The following HPS1 variants were observed in gnomAD, a reference collection of about 807,000 sequenced individuals.
The protein encoded by HPS1 is BLOC-3 complex member HPS1.
A neutral mutation model predicts 90.6 loss-of-function variants in HPS1; 59 were observed. The ratio of observed to expected loss-of-function variants is 0.65; its 90% confidence interval spans 0.53 to 0.81. The LOEUF is 0.81. Among genes scored for constraint, HPS1 ranks in the 30% least tolerant of loss-of-function variants. The pLI, the probability that HPS1 is intolerant of heterozygous loss-of-function variation, is 0.00. For missense variants in HPS1, 849 were observed against 896.7 expected (o/e 0.95, Z 0.68); for synonymous variants, 388 against 384.4 (o/e 1.01, Z -0.11).
At position 98,425,813 on chromosome 10, in the gene HPS1, C is replaced by G; in HGVS notation, c.1155+5G>C. The G allele has an allele frequency of 6.2e-7, 1 of 1,613,334 alleles. No individual in the cohort carries two copies. Among genetic ancestry groups the G allele is most frequent in the Non-Finnish European group, 8.5e-7 (1 of 1,179,634 alleles). On this transcript the variant is annotated splice_donor_5th_base_variant and intron_variant, in intron 12 of 19. Transcript: ENST00000361490. ...TCATCAGGGCAGGGTGAGGGGCTCT[C>G]CTACCCTGGTCAGGAGCACCAGGTT...
At chr10:98,426,886 G>A (rs1845678562) in intron 11 of HPS1, among the ~76,000 whole-genome samples, 1 of 151,790 alleles carries the variant, frequency 6.6e-6, no homozygotes, top group Non-Finnish European at 1.5e-5. Flanking sequence ...GTTTACTTTT[G>A]TATTTCCCGA....
In HPS1 at chr10:98,430,220, C is replaced by T. The variant is rs1846236680; in HGVS notation, c.769-331G>A. Among the ~76,000 whole-genome samples the T allele has an allele frequency of 2.0e-5, 3 of 152,234 alleles. No individual in the cohort carries two copies. The South Asian group carries it at 6.2e-4, about 32-fold the overall frequency. ...TCTGTGGGAACCACCCCTTTTGTCC[C>T]TCCAAATACCCCTGAGAAGTAGATG... is the stretch of plus-strand genomic sequence containing the variant. On this transcript the variant is annotated intron_variant, in intron 8 of 19. Coordinates refer to ENST00000361490, the MANE Select transcript of HPS1 (RefSeq NM_000195.5).
At chr10:98,426,287 T>C (rs1050952239) in intron 11 of HPS1, among the ~76,000 whole-genome samples, 1 of 152,206 alleles carries the variant, frequency 6.6e-6, no homozygotes, top group Admixed American at 6.5e-5. Flanking sequence ...CACTCGTGGA[T>C]GGGGAGTGGA....
rs973290077 is a variant in HPS1, at chr10:98,435,689, G to C, written c.201C>G (p.Asp67Glu). The change falls in exon 4 of 20, where the codon GAC (aspartate) becomes GAG (glutamate). Residue 67 changes from aspartate (D) to glutamate (E), a missense_variant. Asp to Glu is a conservative substitution (Grantham distance 45, BLOSUM62 2). Transcript: ENST00000361490. This position sits in a 1 kb window ranked among gnomAD's most constrained non-coding sequence, Gnocchi z 4.3. The stretch of plus-strand genomic sequence containing the variant: ...TTTCCGTGGAGAAGCAGGTGTAGGT[G>C]TCCGAGAGCTTCTCCAGCATCGTCA... ...SSMTMLEKLS[D>E]TYTCFSTENG... 4 of 1,613,928 alleles carry C rather than the reference G, an allele frequency of 2.5e-6. No homozygotes were observed. The highest frequency in any genetic ancestry group is 2.5e-6 in the Non-Finnish European group (3 of 1,179,940).
intron 13 of HPS1, among the ~76,000 whole-genome samples, chr10:98,425,265 A>T (rs1284060624): frequency 6.6e-6 from 1 of 152,282 alleles, no homozygotes; most frequent in Non-Finnish European, 1.5e-5. Context: ...ATCTTGGCCA[A>T]GTTAAAACTT....
chr10:98,430,244 T>C (rs1846240610), intron 8 of HPS1, among the ~76,000 whole-genome samples: 1 of 152,170 alleles, frequency 6.6e-6, no homozygotes, highest in African/African-American at 2.4e-5. Flanking sequence ...GAGAAGTAGA[T>C]GCTTTGTTAT....
chr10:98,430,503 A>G (rs926657678), intron 8 of HPS1, 68 bp downstream of exon 8: 2 of 1,224,946 alleles, frequency 1.6e-6, no homozygotes, highest in Non-Finnish European at 2.4e-6. Flanking sequence ...CCTGCCCACC[A>G]TCTTCAGGCA....
chr10:98,414,970 C>A, downstream of HPS1: 1 of 1,603,266 alleles, frequency 6.2e-7, no homozygotes, highest in South Asian at 1.1e-5. Context: ...GCTGTCTTCC[C>A]GCCCCTCAGC....
At chr10:98,444,103 T>C (rs1206259115) in intron 2 of HPS1, among the ~76,000 whole-genome samples, 8 of 152,106 alleles carry the variant, frequency 5.3e-5, no homozygotes, top group Non-Finnish European at 1.0e-4. Flanking sequence ...TCAAAGCCCC[T>C]GAATTTACTT....
At position 98,430,102 on chromosome 10, in the gene HPS1, T is replaced by C. The variant is rs146823226; in HGVS notation, c.769-213A>G. On this transcript the variant is annotated intron_variant, in intron 8 of 19. Coordinates refer to ENST00000361490, the MANE Select transcript of HPS1 (RefSeq NM_000195.5). ...TTCGAGAAATTCCAACACAATGGTA[T>C]CCAACCCACCACTACCCCTGGTGAT... Among the ~76,000 whole-genome samples, 265 of 152,284 alleles carry C rather than the reference T, an allele frequency of 1.7e-3. 7 individuals carry two copies. In the East Asian group the frequency reaches 0.041, roughly 24 times the overall value.
intron 3 of HPS1, among the ~76,000 whole-genome samples, chr10:98,437,554 ACTGC>A (rs1453585776): frequency 6.6e-6 from 1 of 152,238 alleles, no homozygotes; most frequent in East Asian, 1.9e-4. Flanking sequence ...TTGTGTTACA[ACTGC>A]CTGCAGTATT....
At chr10:98,442,953 C>T (rs898697675) in intron 3 of HPS1, 171 bp downstream of exon 3, 2 of 694,416 alleles carry the variant, frequency 2.9e-6, no homozygotes, top group African/African-American at 3.5e-5. Context: ...CATCAAGAGG[C>T]CAACCTTGAG....
At chr10:98,443,343 C>T in intron 2 of HPS1, 103 bp from the exon 3 acceptor site, 1 of 853,370 alleles carries the variant, frequency 1.2e-6, no homozygotes, top group Non-Finnish European at 2.0e-6. Flanking sequence ...ATTCAGTGAG[C>T]CCCTTCTGCA....
At chr10:98,425,189 G>A (rs192366359) in intron 13 of HPS1, among the ~76,000 whole-genome samples, 2 of 152,340 alleles carry the variant, frequency 1.3e-5, no homozygotes, top group African/African-American at 4.8e-5. Flanking sequence ...AGCCCGTGAC[G>A]GGCGGATCCC....
intron 17 of HPS1, among the ~76,000 whole-genome samples, chr10:98,422,150 T>A (rs918421249): frequency 4.6e-5 from 7 of 152,266 alleles, no homozygotes; most frequent in African/African-American, 1.7e-4. Flanking sequence ...CACCTTGTTT[T>A]AAATTCTGAT....
At position 98,423,677 on chromosome 10, in the gene HPS1, G is replaced by C; in HGVS notation, c.1533-9C>G. 1 of 1,614,082 alleles carries C rather than the reference G, an allele frequency of 6.2e-7. No individual in the cohort carries two copies. Among genetic ancestry groups the C allele is most frequent in the Non-Finnish European group, 8.5e-7 (1 of 1,180,000 alleles). On this transcript the variant is annotated splice_polypyrimidine_tract_variant and intron_variant, in intron 15 of 19. Transcript: ENST00000361490. The stretch of plus-strand genomic sequence containing the variant: ...AGTCCGTCAGCTTCTCCCTGCCGAG[G>C]GAAGCTCGGGCTGCGTGAAGGAAGT...
chr10:98,429,981 AC>A, intron 8 of HPS1, 92 bp from the exon 9 acceptor site: 2 of 983,698 alleles, frequency 2.0e-6, no homozygotes, highest in Non-Finnish European at 3.1e-6. Context: ...AGAAGCCTCC[AC>A]CCCTCCACCC....
intron 3 of HPS1, among the ~76,000 whole-genome samples, chr10:98,436,052 TG>T (rs1298745425): frequency 1.3e-5 from 2 of 152,190 alleles, no homozygotes; most frequent in South Asian, 4.1e-4. Flanking sequence ...CAGTGGAATG[TG>T]GGGAGCACTG....
At chr10:98,446,019 A>G (rs955126488) in intron 1 of HPS1, among the ~76,000 whole-genome samples, 5 of 152,220 alleles carry the variant, frequency 3.3e-5, no homozygotes, top group African/African-American at 1.2e-4. Flanking sequence ...GGGGATCATT[A>G]TTCCTATTTC....
Sources: allele counts gnomAD v4.1 joint callset (sites outside exome capture counted in the v4.1 genomes callset), GRCh38; gene constraint gnomAD v4.1.1; non-coding constraint Gnocchi (gnomAD v3.1); transcripts MANE v1.5; gene names NCBI Gene and HGNC (gene_info 2026-07-23, HGNC 2026-07-21).